The following PTPRD variants were observed in gnomAD, a reference collection of about 807,000 sequenced individuals.
The protein encoded by PTPRD is protein tyrosine phosphatase receptor type D, also known as receptor-type tyrosine-protein phosphatase delta.
PTPRD carries 34 observed loss-of-function variants against 214.5 expected under a neutral mutation model. The observed-to-expected ratio is 0.16, with a 90% CI of 0.12 to 0.21. PTPRD has a LOEUF of 0.21. PTPRD is among the 10% of genes least tolerant of loss of function. The pLI, the probability that PTPRD is intolerant of heterozygous loss-of-function variation, is 1.00. For synonymous variants in PTPRD, 1,128 were observed against 845.7 expected (o/e 1.33, Z -5.79); for missense variants, 2,545 against 2,398.7 (o/e 1.06, Z -1.27).
At chr9:10,257,158 A>G (rs571233881) in intron 3 of PTPRD, among the ~76,000 whole-genome samples, 1 of 152,340 alleles carries the variant, frequency 6.6e-6, no homozygotes, top group African/African-American at 2.4e-5. Flanking sequence ...AAGATAAATT[A>G]ATGACTGAAG....
intron 5 of PTPRD, among the ~76,000 whole-genome samples, chr9:9,797,661 T>C (rs991382249): frequency 6.6e-6 from 1 of 151,752 alleles, no homozygotes; most frequent in African/African-American, 2.4e-5. Context: ...GCCTGACCAA[T>C]ATGGTGAAAC....
intron 10 of PTPRD, among the ~76,000 whole-genome samples, chr9:9,074,959 G>A (rs965775587): frequency 1.2e-4 from 18 of 149,844 alleles, no homozygotes; most frequent in African/African-American, 4.4e-4. Flanking sequence ...ACAGATCACT[G>A]ACAATATAGA....
rs138626525 is a variant in PTPRD at position 10,232,435 on chromosome 9, T to C, written c.-545+108528A>G. Reference sequence around the variant, plus strand: ...CCTTTGAGTTTCCTAGAAACAGAGCTCTTGAGATACCTAAGGAAAGTCTGG... The same window carrying C: ...CCTTTGAGTTTCCTAGAAACAGAGCCCTTGAGATACCTAAGGAAAGTCTGG... On this transcript the variant is annotated intron_variant, in intron 3 of 45. Transcript: ENST00000381196. Among the ~76,000 whole-genome samples, 54 of 152,032 alleles carry C rather than the reference T, an allele frequency of 3.6e-4. 1 individual carries two copies. Among genetic ancestry groups the C allele is most frequent in the Middle Eastern group, 3.4e-3 (1 of 294 alleles).
intron 7 of PTPRD, among the ~76,000 whole-genome samples, chr9:9,606,922 T>A (rs2094193240): frequency 1.6e-5 from 2 of 125,274 alleles, no homozygotes; most frequent in South Asian, 4.9e-4. Flanking sequence ...CAGGGCTATC[T>A]GGAAAGCTAA....
rs149499293 is a variant in PTPRD at position 9,103,121 on chromosome 9, T to C, written c.-143+80183A>G. Among the ~76,000 whole-genome samples, 81 of 152,330 alleles carry C rather than the reference T, an allele frequency of 5.3e-4. No individual in the cohort carries two copies. In the East Asian group the frequency reaches 0.012, roughly 22 times the overall value. On this transcript the variant is annotated intron_variant, in intron 10 of 45. Transcript: ENST00000381196. ...GAACTTCCTAGCTCTTTTGTACTTG[T>C]CTTAACAGTGCTGGTATTCCAAGTT...
chr9:10,026,355 A>T (rs1379196496), intron 4 of PTPRD, among the ~76,000 whole-genome samples: 1 of 152,236 alleles, frequency 6.6e-6, no homozygotes, highest in East Asian at 1.9e-4. Context: ...AGAAGTCTCA[A>T]CATTAAATAA....
rs142960593 is a variant in PTPRD at position 8,375,990 on chromosome 9, C to T, written c.4607G>A (p.Arg1536His). ...EHPTPFLAFL[R>H]RVKTCNPPDA... ...GGGAGGGTTACAGGTTTTGACTCTA[C>T]GTAAGAAAGCTAGAAAAGGTGTAGG... Residue 1536 changes from arginine to histidine, a missense_variant, in exon 39 of 46, where the codon CGT becomes CAT. Coordinates refer to ENST00000381196, the MANE Select transcript of PTPRD (RefSeq NM_002839.4). 660 of 1,612,686 alleles carry T rather than the reference C, an allele frequency of 4.1e-4. 1 individual carries two copies. Among genetic ancestry groups the T allele is most frequent in the Non-Finnish European group, 5.2e-4 (613 of 1,179,214 alleles).
At chr9:9,852,729 CATG>C (rs1469833713) in intron 5 of PTPRD, among the ~76,000 whole-genome samples, 1 of 152,064 alleles carries the variant, frequency 6.6e-6, no homozygotes, top group East Asian at 1.9e-4. Context: ...GTGTATCAGA[CATG>C]ATGCTAGCAG....
At chr9:10,331,066 T>C (rs2096741039) in intron 3 of PTPRD, among the ~76,000 whole-genome samples, 1 of 151,872 alleles carries the variant, frequency 6.6e-6, no homozygotes, top group African/African-American at 2.4e-5. Context: ...CTTACAGCAA[T>C]GTCACTCTCA....
chr9:9,514,054 A>G (rs1168348901), intron 8 of PTPRD, among the ~76,000 whole-genome samples: 2 of 152,046 alleles, frequency 1.3e-5, no homozygotes, highest in Non-Finnish European at 2.9e-5. Flanking sequence ...AATCTGTGCT[A>G]AGTACCCCAA....
chr9:8,428,594 C>T (rs1230528736), intron 35 of PTPRD, among the ~76,000 whole-genome samples: 1 of 152,038 alleles, frequency 6.6e-6, no homozygotes, highest in Non-Finnish European at 1.5e-5. Flanking sequence ...CTCTGTCGTC[C>T]ACCACTTCCT....
At chr9:9,876,315 G>T (rs1270345017) in intron 5 of PTPRD, among the ~76,000 whole-genome samples, 1 of 152,070 alleles carries the variant, frequency 6.6e-6, no homozygotes, top group Non-Finnish European at 1.5e-5. Flanking sequence ...AACAATCACT[G>T]AAAAGGTCTT....
intron 4 of PTPRD, among the ~76,000 whole-genome samples, chr9:9,970,840 G>A (rs1487076589): frequency 1.9e-4 from 29 of 152,120 alleles, no homozygotes; most frequent in Admixed American, 1.9e-3. Flanking sequence ...AATAAACCTG[G>A]AATGTCACAC....
At chr9:10,006,238 T>C (rs1033261367) in intron 4 of PTPRD, among the ~76,000 whole-genome samples, 3 of 152,072 alleles carry the variant, frequency 2.0e-5, no homozygotes, top group Non-Finnish European at 2.9e-5. Flanking sequence ...ATCAGTTCCC[T>C]GCTAGTTATA....
intron 7 of PTPRD, among the ~76,000 whole-genome samples, chr9:9,666,072 G>C (rs531308050): frequency 5.3e-5 from 8 of 151,608 alleles, no homozygotes; most frequent in Non-Finnish European, 1.0e-4. Flanking sequence ...GGAGTTATTC[G>C]GTAACTATCC....
At chr9:10,132,524 A>G (rs75508331) in intron 3 of PTPRD, among the ~76,000 whole-genome samples, 2,197 of 152,046 alleles carry the variant, frequency 0.014, 50 homozygotes, top group African/African-American at 0.049. Flanking sequence ...AATGCTTCTT[A>G]AGAAGATAGC....
At chr9:10,264,073 G>T (rs1217557127) in intron 3 of PTPRD, among the ~76,000 whole-genome samples, 1 of 152,174 alleles carries the variant, frequency 6.6e-6, no homozygotes, top group East Asian at 1.9e-4. Context: ...GGGAACTTCC[G>T]CCTAGTTTTC....
intron 14 of PTPRD, among the ~76,000 whole-genome samples, chr9:8,582,553 C>G (rs1411500857): frequency 6.7e-6 from 1 of 150,368 alleles, no homozygotes; most frequent in Non-Finnish European, 1.5e-5. Flanking sequence ...TTATTGAGAA[C>G]AATGATATAA....
intron 4 of PTPRD, among the ~76,000 whole-genome samples, chr9:9,957,757 G>C (rs2094044801): frequency 6.6e-6 from 1 of 152,166 alleles, no homozygotes; most frequent in Admixed American, 6.5e-5. Flanking sequence ...AATAAAGTTG[G>C]AAGACTGTCA....
Sources: allele counts gnomAD v4.1 joint callset (sites outside exome capture counted in the v4.1 genomes callset), GRCh38; gene constraint gnomAD v4.1.1; transcripts MANE v1.5; gene names NCBI Gene and HGNC (gene_info 2026-07-23, HGNC 2026-07-21).